Variants in EPB41L3 observed in about 807,000 individuals in gnomAD.
EPB41L3 encodes the protein band 4.1-like protein 3.
Under a neutral mutation model 127.1 loss-of-function variants are expected in EPB41L3, and 57 were observed. The ratio of observed to expected loss-of-function variants is 0.45; its 90% confidence interval spans 0.36 to 0.56. EPB41L3 has a LOEUF of 0.56. EPB41L3 is among the 20% of genes least tolerant of loss of function. EPB41L3 has a pLI of 0.00. For synonymous variants in EPB41L3, 572 were observed against 549.5 expected (o/e 1.04, Z -0.57); for missense variants, 1,273 against 1,372.2 (o/e 0.93, Z 1.14).
intron 3 of EPB41L3, among the ~76,000 whole-genome samples, chr18:5,585,454 C>A (rs539739991): frequency 6.6e-6 from 1 of 152,078 alleles, no homozygotes; most frequent in Non-Finnish European, 1.5e-5. Flanking sequence ...CAGGCATGCA[C>A]CATCATGCCT....
chr18:5,629,171 G>A (rs998464165), upstream of EPB41L3, among the ~76,000 whole-genome samples: 1 of 152,072 alleles, frequency 6.6e-6, no homozygotes, highest in East Asian at 1.9e-4. Flanking sequence ...CATTCGCCTC[G>A]GGAACGCCTC....
chr18:5,593,753 G>A (rs1052394698), intron 3 of EPB41L3, among the ~76,000 whole-genome samples: 3 of 152,092 alleles, frequency 2.0e-5, no homozygotes, highest in African/African-American at 7.2e-5. Context: ...ACACCCAAGG[G>A]GGCCATTTTA....
chr18:5,597,748 A>T (rs1719984), intron 3 of EPB41L3, among the ~76,000 whole-genome samples: 2 of 152,130 alleles, frequency 1.3e-5, no homozygotes, highest in Non-Finnish European at 2.9e-5. Flanking sequence ...AAAGATGGAT[A>T]CTGTCTTGTC....
At chr18:5,542,175 C>A (rs963636718) in intron 1 of EPB41L3, among the ~76,000 whole-genome samples, 2 of 152,242 alleles carry the variant, frequency 1.3e-5, no homozygotes, top group East Asian at 1.9e-4. Context: ...TGAGCCAAGA[C>A]AGAAATCACC....
In EPB41L3 at chr18:5,498,542, C is replaced by A. The variant is rs191710226; in HGVS notation, c.-11-9348G>T. 4.1e-3 allele frequency among the ~76,000 whole-genome samples: 545 copies of A among 132,950 alleles called. 2 individuals are homozygous for A. The highest frequency in any genetic ancestry group is 0.015 in the African/African-American group (521 of 34,740). The allele number at this position is 132,950 out of a possible 152,430, so 87.2% of individuals were successfully genotyped here. A position where few individuals can be genotyped will look rare whatever the true frequency, so the allele number is the denominator to read the frequency against. On this transcript the variant is annotated intron_variant, in intron 1 of 22. Transcript: ENST00000341928. Reference sequence around the variant, plus strand: ...CTGGGAGGTGGAGGTTGCAGTGAGCCGAGATAGCACCACTGAACTCCTGCC... The same window carrying A: ...CTGGGAGGTGGAGGTTGCAGTGAGCAGAGATAGCACCACTGAACTCCTGCC...
chr18:5,477,455 G>C (rs989190416), intron 3 of EPB41L3, among the ~76,000 whole-genome samples: 1 of 152,186 alleles, frequency 6.6e-6, no homozygotes, highest in Non-Finnish European at 1.5e-5. Flanking sequence ...GGAAGAATGA[G>C]CTCTTTGAAT....
chr18:5,455,999 T>C (rs1460888582), intron 3 of EPB41L3, among the ~76,000 whole-genome samples: 1 of 152,124 alleles, frequency 6.6e-6, no homozygotes, highest in Non-Finnish European at 1.5e-5. Flanking sequence ...AGAATTTTCC[T>C]GTGAGAGGAA....
intron 1 of EPB41L3, among the ~76,000 whole-genome samples, chr18:5,614,774 T>C (rs2094773162): frequency 6.6e-6 from 1 of 152,178 alleles, no homozygotes; most frequent in Non-Finnish European, 1.5e-5. Context: ...GTTGTAACTT[T>C]AGTGTCAGCA....
At chr18:5,414,698 C>T (rs780699665) in intron 13 of EPB41L3, among the ~76,000 whole-genome samples, 76 of 152,218 alleles carry the variant, frequency 5.0e-4, no homozygotes, top group Admixed American at 9.8e-4. Flanking sequence ...TGGGGAGGGG[C>T]GCGCATGACA....
chr18:5,576,233 T>C (rs2094335589), intron 3 of EPB41L3, among the ~76,000 whole-genome samples: 1 of 152,156 alleles, frequency 6.6e-6, no homozygotes, highest in African/African-American at 2.4e-5. Context: ...TGCTATAAAA[T>C]AGGAATAATA....
At position 5,424,368 on chromosome 18, in the gene EPB41L3, A is replaced by C. The variant is rs112527405; in HGVS notation, c.1066-9T>G. On this transcript the variant is annotated splice_polypyrimidine_tract_variant and intron_variant, in intron 9 of 22. Transcript: ENST00000341928. ...CTTTCAAATTGTTCAAACTAAATAAAAAAAAATACATTGAAGAGTAAAGTT... is the reference window on the plus strand; with the variant it reads ...CTTTCAAATTGTTCAAACTAAATAACAAAAAATACATTGAAGAGTAAAGTT... The C allele has an allele frequency of 0.022, 34,523 of 1,577,958 alleles. 508 individuals are homozygous for C. The highest frequency in any genetic ancestry group is 0.026 in the Non-Finnish European group (30,566 of 1,164,016).
At chr18:5,496,722 T>C (rs2091216415) in intron 1 of EPB41L3, among the ~76,000 whole-genome samples, 1 of 152,274 alleles carries the variant, frequency 6.6e-6, no homozygotes, top group African/African-American at 2.4e-5. Flanking sequence ...CTGTACACAC[T>C]GACAAGGCTT....
chr18:5,573,956 G>C (rs1414522110), intron 3 of EPB41L3, among the ~76,000 whole-genome samples: 1 of 150,542 alleles, frequency 6.6e-6, no homozygotes, highest in Non-Finnish European at 1.5e-5. Flanking sequence ...TGTTGCCCAG[G>C]CTGGAGTGCA....
chr18:5,589,785 C>T (rs1288603936), intron 3 of EPB41L3, among the ~76,000 whole-genome samples: 22 of 152,134 alleles, frequency 1.4e-4, no homozygotes, highest in Admixed American at 1.4e-3. Context: ...ATGAGGACTC[C>T]TGGCAGGAGA....
At chr18:5,458,084 T>G (rs1040066860) in intron 3 of EPB41L3, among the ~76,000 whole-genome samples, 2 of 152,154 alleles carry the variant, frequency 1.3e-5, no homozygotes, top group Admixed American at 6.5e-5. Flanking sequence ...CTGGGGTTCA[T>G]TTCCTGCTTT....
At chr18:5,444,127 C>T (rs529861988) in intron 4 of EPB41L3, among the ~76,000 whole-genome samples, 8 of 152,138 alleles carry the variant, frequency 5.3e-5, no homozygotes, top group African/African-American at 1.9e-4. Flanking sequence ...CTTTTATAAC[C>T]ATTGCCTTCA....
intron 3 of EPB41L3, among the ~76,000 whole-genome samples, chr18:5,561,470 C>T (rs946858289): frequency 2.6e-5 from 4 of 151,838 alleles, no homozygotes; most frequent in Admixed American, 1.3e-4. Context: ...TGGATTATAA[C>T]ACAAGGAATC....
intron 3 of EPB41L3, among the ~76,000 whole-genome samples, chr18:5,468,575 G>A (rs953421521): frequency 3.3e-5 from 5 of 152,110 alleles, no homozygotes; most frequent in African/African-American, 7.2e-5. Flanking sequence ...CTGCACACTC[G>A]ACAGGATGAC....
rs2094169018 is a variant in EPB41L3, at chr18:5,564,149, G to A, written c.-306+48191C>T. Reference sequence around the variant, plus strand: ...ACCAGGGCGATTTCAGTTGAGTTTTGGGGATAAATATTAATAATTCTGTGT... The same window carrying A: ...ACCAGGGCGATTTCAGTTGAGTTTTAGGGATAAATATTAATAATTCTGTGT... On this transcript the variant is annotated intron_variant, in intron 3 of 21. Coordinates refer to the EPB41L3 transcript ENST00000545076. 2.0e-5 allele frequency among the ~76,000 whole-genome samples: 3 copies of A among 152,050 alleles called. No homozygotes were observed. In the South Asian group the frequency reaches 6.2e-4, roughly 31 times the overall value.
Sources: gnomAD v4.1 joint callset for allele counts (sites outside exome capture counted in the v4.1 genomes callset) on GRCh38, gnomAD v4.1.1 for gene constraint, MANE v1.5 for transcripts, NCBI Gene and HGNC (gene_info 2026-07-23, HGNC 2026-07-21) for gene names.